Variants in GRIK1 observed in about 807,000 individuals in gnomAD.
GRIK1 encodes glutamate receptor ionotropic, kainate 1.
In GRIK1, 69 loss-of-function variants were observed where a neutral mutation model predicts 105.7. The ratio of observed to expected loss-of-function variants is 0.65; its 90% CI spans 0.54 to 0.80. The LOEUF (loss-of-function observed/expected upper bound fraction) is 0.80, where lower values mean the gene tolerates loss of function less well. Ranked by LOEUF, GRIK1 falls within the 30% of genes least tolerant of loss-of-function variation. The pLI, the probability that GRIK1 is intolerant of heterozygous loss-of-function variation, is 0.00. For missense variants in GRIK1, 1,109 were observed against 1,167.3 expected, an observed-to-expected ratio of 0.95 and a Z score of 0.73; for synonymous variants, 438 against 431.3, an observed-to-expected ratio of 1.02 and a Z score of -0.19.
At chr21:29,851,405 A>G (rs1177765337) in intron 1 of GRIK1, among the ~76,000 whole-genome samples, 1 of 152,226 alleles carries the variant, frequency 6.6e-6, no homozygotes, top group Admixed American at 6.5e-5. Flanking sequence ...AGCAACACAG[A>G]TTGTTTACAA....
intron 1 of GRIK1, among the ~76,000 whole-genome samples, chr21:29,916,633 A>G (rs1018316431): frequency 4.7e-5 from 7 of 149,302 alleles, no homozygotes; most frequent in Admixed American, 4.0e-4. Context: ...TACAGCAACT[A>G]TGTAGAGACA....
chr21:29,685,565 A>G (rs2063472392), intron 3 of GRIK1, among the ~76,000 whole-genome samples: 1 of 151,532 alleles, frequency 6.6e-6, no homozygotes, highest in African/African-American at 2.4e-5. Context: ...TTGAAATCCC[A>G]CTCTCTGTGG....
intron 1 of GRIK1, among the ~76,000 whole-genome samples, chr21:29,726,044 G>C (rs1275414750): frequency 6.6e-6 from 1 of 152,140 alleles, no homozygotes; most frequent in Non-Finnish European, 1.5e-5. Flanking sequence ...ATGTCAAAAT[G>C]GGGAAATTAG....
chr21:29,625,357 G>C (rs1313161964), intron 7 of GRIK1, among the ~76,000 whole-genome samples: 3 of 152,182 alleles, frequency 2.0e-5, no homozygotes, highest in African/African-American at 7.2e-5. Context: ...TTAATTGTGA[G>C]AATCTCTGGC....
intron 1 of GRIK1, among the ~76,000 whole-genome samples, chr21:29,835,570 C>T (rs962296651): frequency 1.3e-5 from 2 of 152,180 alleles, no homozygotes; most frequent in African/African-American, 4.8e-5. Flanking sequence ...CATCTCCAAA[C>T]AACTGATCAT....
chr21:29,841,361 T>C (rs2067978415), intron 1 of GRIK1, among the ~76,000 whole-genome samples: 1 of 152,140 alleles, frequency 6.6e-6, no homozygotes, highest in East Asian at 1.9e-4. Context: ...CAAATTTAGA[T>C]CCCATGGCAG....
At chr21:29,923,223 C>A (rs546625844) in intron 1 of GRIK1, among the ~76,000 whole-genome samples, 1 of 152,240 alleles carries the variant, frequency 6.6e-6, no homozygotes, top group African/African-American at 2.4e-5. Flanking sequence ...TAGAGAAGTT[C>A]TTTTTTCACT....
intron 1 of GRIK1, among the ~76,000 whole-genome samples, chr21:29,767,255 C>A (rs926577571): frequency 4.6e-5 from 7 of 152,094 alleles, no homozygotes; most frequent in Non-Finnish European, 8.8e-5. Flanking sequence ...TTAAAATATC[C>A]TGTATGTCTT....
intron 1 of GRIK1, among the ~76,000 whole-genome samples, chr21:29,838,415 G>GA (rs959028390): frequency 1.3e-5 from 2 of 152,008 alleles, no homozygotes; most frequent in African/African-American, 4.8e-5. Context: ...TGTTTGTACT[G>GA]AAAAAAACTC....
intron 1 of GRIK1, among the ~76,000 whole-genome samples, chr21:29,919,410 A>G (rs1035888300): frequency 2.0e-5 from 3 of 152,160 alleles, no homozygotes; most frequent in East Asian, 1.9e-4. Context: ...GGCTATGCAC[A>G]CAGAGGATGT....
chr21:29,865,715 C>A (rs1005001622), intron 1 of GRIK1, among the ~76,000 whole-genome samples: 2 of 152,094 alleles, frequency 1.3e-5, no homozygotes, highest in African/African-American at 4.8e-5. Context: ...AATGTGTGTC[C>A]CAATATTAAG....
chr21:29,591,041 G>C lies in GRIK1; in HGVS notation c.1365+71C>G, dbSNP rs796133830. ...CAGAAGCGTTGGCATGAAAAAGACAGTTGAGGAATGCTTCGAAGTCTAAGG... is the reference window on the plus strand; with the variant it reads ...CAGAAGCGTTGGCATGAAAAAGACACTTGAGGAATGCTTCGAAGTCTAAGG... On this transcript the variant is annotated intron_variant, in intron 10 of 17. Coordinates refer to ENST00000327783, the MANE Select transcript of GRIK1 (RefSeq NM_001330994.2). 13 of 852,356 alleles carry C rather than the reference G, an allele frequency of 1.5e-5. No homozygotes were observed. In the African/African-American group the frequency reaches 1.8e-4, roughly 12 times the overall value. 52.8% of individuals were successfully genotyped at this position (852,356 alleles called of 1,614,324 possible).
chr21:29,734,999 G>C (rs957799997), intron 1 of GRIK1, among the ~76,000 whole-genome samples: 9 of 152,202 alleles, frequency 5.9e-5, no homozygotes, highest in Non-Finnish European at 1.2e-4. Context: ...AGACCTCCCT[G>C]CCTATCCAAG....
chr21:29,894,736 T>C (rs2070054765), intron 1 of GRIK1, among the ~76,000 whole-genome samples: 1 of 152,166 alleles, frequency 6.6e-6, no homozygotes, highest in South Asian at 2.1e-4. Context: ...GAGATGCAAT[T>C]AAAAGATTTT....
chr21:29,707,282 G>A (rs1257234774), intron 1 of GRIK1, among the ~76,000 whole-genome samples: 1 of 151,974 alleles, frequency 6.6e-6, no homozygotes, highest in African/African-American at 2.4e-5. Context: ...TTGAAAGAAA[G>A]GGGAAAAAAC....
chr21:29,626,776 C>A (rs755449754), intron 7 of GRIK1, among the ~76,000 whole-genome samples: 3 of 152,148 alleles, frequency 2.0e-5, no homozygotes, highest in Non-Finnish European at 4.4e-5. Context: ...TTGTGAAGAA[C>A]AATCAGTTAT....
chr21:29,707,632 C>A (rs2146798660), intron 1 of GRIK1, among the ~76,000 whole-genome samples: 1 of 151,772 alleles, frequency 6.6e-6, no homozygotes, highest in East Asian at 1.9e-4. Flanking sequence ...AGTAGTTGGG[C>A]CTACAGGCGT....
chr21:29,707,841 C>T (rs1236110539), intron 1 of GRIK1, among the ~76,000 whole-genome samples: 2 of 150,174 alleles, frequency 1.3e-5, no homozygotes, highest in African/African-American at 5.1e-5. Context: ...GAACATAATC[C>T]ACCTTTTCAA....
At chr21:29,702,242 A>G (rs2063825850) in intron 1 of GRIK1, among the ~76,000 whole-genome samples, 1 of 152,216 alleles carries the variant, frequency 6.6e-6, no homozygotes. Context: ...GCAACCCACC[A>G]TGACACATAT....
Sources: allele counts gnomAD v4.1 joint callset (sites outside exome capture counted in the v4.1 genomes callset), GRCh38; gene constraint gnomAD v4.1.1; transcripts MANE v1.5; gene names NCBI Gene and HGNC (gene_info 2026-07-23, HGNC 2026-07-21).